Variants in KIAA0319 observed in about 807,000 individuals in gnomAD.
KIAA0319 encodes dyslexia-associated protein KIAA0319.
KIAA0319 carries 83 observed loss-of-function variants against 108.4 expected under a neutral mutation model. The ratio of observed to expected loss-of-function variants is 0.77; its 90% CI spans 0.64 to 0.92. The LOEUF (loss-of-function observed/expected upper bound fraction) is 0.92, where lower values mean the gene tolerates loss of function less well. KIAA0319 is among the 40% of genes least tolerant of loss of function. The pLI is 0.00. For missense variants in KIAA0319, 1,195 were observed against 1,322.4 expected (o/e 0.90, Z 1.49); for synonymous variants, 484 against 510.4 (o/e 0.95, Z 0.70).
chr6:24,546,453 A>G lies in KIAA0319; in HGVS notation c.*712T>C, dbSNP rs1278672608. The G allele has an allele frequency of 6.6e-6, 1 of 152,014 alleles. No individual in the cohort carries two copies. The highest frequency in any genetic ancestry group is 1.5e-5 in the Non-Finnish European group (1 of 68,006). The allele number at this position is 152,014 out of a possible 1,614,324, so 9.4% of individuals were successfully genotyped here. ...GTTTTTCTTAGAGAAAGAAAAGATA[A>G]TGTTACAATGCTACCTTCAACCTGC... On this transcript the variant is annotated 3_prime_UTR_variant, in exon 21 of 21. Transcript: ENST00000378214.
At chr6:24,610,662 T>C (rs962037637) in intron 1 of KIAA0319, among the ~76,000 whole-genome samples, 6 of 152,190 alleles carry the variant, frequency 3.9e-5, no homozygotes, top group Middle Eastern at 3.2e-3. Flanking sequence ...GGCTCATTCC[T>C]GTAATCCCAG....
chr6:24,597,939 A>AAAAAAAAAAAAAAC (rs1769959204), intron 2 of KIAA0319: 1 of 152,446 alleles, frequency 6.6e-6, no homozygotes, highest in African/African-American at 2.6e-5. Flanking sequence ...AAAAAAAAAA[A>AAAAAAAAAAAAAAC]AAAAAAAAAA....
chr6:24,551,900 A>C (rs1363041242), intron 19 of KIAA0319, among the ~76,000 whole-genome samples: 2 of 152,224 alleles, frequency 1.3e-5, no homozygotes, highest in Non-Finnish European at 2.9e-5. Context: ...TCACCCTGCT[A>C]TGTCCAATGC....
At chr6:24,591,703 TTATC>T (rs1768498628) in intron 3 of KIAA0319, among the ~76,000 whole-genome samples, 1 of 152,244 alleles carries the variant, frequency 6.6e-6, no homozygotes, top group African/African-American at 2.4e-5. Flanking sequence ...CTAACACTTA[TTATC>T]TATTTTTAGA....
rs577917236 is a variant in KIAA0319, at chr6:24,614,231, G to A, written c.-105-13023C>T. On this transcript the variant is annotated intron_variant, in intron 1 of 20. Coordinates refer to ENST00000378214, the MANE Select transcript of KIAA0319 (RefSeq NM_014809.4). Reference sequence around the variant, plus strand: ...ATATGCCAGGACAGACGCCTTGGGAGAGGAAGCAAATGCTCCCAACTGTGT... The same window carrying A: ...ATATGCCAGGACAGACGCCTTGGGAAAGGAAGCAAATGCTCCCAACTGTGT... 2.0e-5 allele frequency among the ~76,000 whole-genome samples: 3 copies of A among 152,282 alleles called. No individual in the cohort carries two copies. In the East Asian group the frequency reaches 5.8e-4, roughly 29 times the overall value.
At chr6:24,555,308 C>A (rs1441217570) in intron 18 of KIAA0319, among the ~76,000 whole-genome samples, 2 of 152,046 alleles carry the variant, frequency 1.3e-5, no homozygotes, top group Admixed American at 1.3e-4. Context: ...ACCAGCCTGG[C>A]CAACATGGCA....
At chr6:24,597,011 C>T (rs954361353) in intron 2 of KIAA0319, among the ~76,000 whole-genome samples, 1 of 152,026 alleles carries the variant, frequency 6.6e-6, no homozygotes, top group Non-Finnish European at 1.5e-5. Context: ...ATTCTTCTAC[C>T]TTTCCACTCA....
intron 1 of KIAA0319, among the ~76,000 whole-genome samples, chr6:24,626,682 T>G (rs936919059): frequency 1.3e-5 from 2 of 152,222 alleles, no homozygotes; most frequent in African/African-American, 4.8e-5. Context: ...GAAAATGTAT[T>G]GAACACCTAT....
intron 12 of KIAA0319, among the ~76,000 whole-genome samples, chr6:24,569,543 T>C (rs1764374288): frequency 6.6e-6 from 1 of 152,118 alleles, no homozygotes; most frequent in African/African-American, 2.4e-5. Context: ...GCTCAGAAAA[T>C]GTTAGATGAT....
At position 24,646,157 on chromosome 6, in the gene KIAA0319, T is replaced by C. The variant is rs945214456; in HGVS notation, c.-527A>G. 2.4e-4 allele frequency: 37 copies of C among 152,354 alleles called. No individual in the cohort carries two copies. Among genetic ancestry groups the C allele is most frequent in the African/African-American group, 7.9e-4 (33 of 41,530 alleles). The allele number at this position is 152,354 out of a possible 1,614,324, so 9.4% of individuals were successfully genotyped here. A position where few individuals can be genotyped will look rare whatever the true frequency, so the allele number is the denominator to read the frequency against. On this transcript the variant is annotated 5_prime_UTR_variant, in exon 1 of 21. Transcript: ENST00000378214. ...TCCCCGCCCACCGCCCGCGGCAGCTTCTGCAGGCTCGGGGAAAGCGCGCGC... is the reference window on the plus strand; with the variant it reads ...TCCCCGCCCACCGCCCGCGGCAGCTCCTGCAGGCTCGGGGAAAGCGCGCGC...
intron 2 of KIAA0319, chr6:24,598,649 G>A: frequency 3.3e-6 from 1 of 298,604 alleles, no homozygotes; most frequent in Non-Finnish European, 6.6e-6. Context: ...GCCGAGGTGG[G>A]TGGATCACCT....
chr6:24,624,066 G>T (rs1234987290), intron 1 of KIAA0319, among the ~76,000 whole-genome samples: 2 of 113,946 alleles, frequency 1.8e-5, no homozygotes, highest in African/African-American at 6.9e-5. Flanking sequence ...ACTCTATCAC[G>T]CAGGCTGGAG....
chr6:24,566,815 G>C (rs1487301328), intron 13 of KIAA0319, 67 bp from the exon 14 acceptor site: 2 of 1,391,420 alleles, frequency 1.4e-6, no homozygotes, highest in African/African-American at 2.9e-5. Context: ...GAATAAGTGT[G>C]TCATAAAACA....
At chr6:24,565,145 C>T (rs529423275) in intron 14 of KIAA0319, among the ~76,000 whole-genome samples, 2 of 151,840 alleles carry the variant, frequency 1.3e-5, no homozygotes, top group South Asian at 4.2e-4. Flanking sequence ...CCCAGCTACT[C>T]GGGAGGCTGA....
At chr6:24,549,469 A>G (rs1303636033) in intron 20 of KIAA0319, among the ~76,000 whole-genome samples, 4 of 152,104 alleles carry the variant, frequency 2.6e-5, no homozygotes, top group African/African-American at 9.7e-5. Flanking sequence ...ACTGTGGGTA[A>G]TAAATATCTG....
downstream of KIAA0319, among the ~76,000 whole-genome samples, chr6:24,543,946 G>A (rs1760317918): frequency 6.6e-6 from 1 of 152,236 alleles, no homozygotes; most frequent in African/African-American, 2.4e-5. Context: ...CCACAGGGAA[G>A]GAGCAGGGGA....
chr6:24,585,794 A>G (rs1455353587), intron 4 of KIAA0319, among the ~76,000 whole-genome samples: 3 of 152,188 alleles, frequency 2.0e-5, no homozygotes, highest in Admixed American at 1.3e-4. Context: ...CCTAAAATGT[A>G]TAAAACCAAG....
chr6:24,623,898 C>T (rs1429493306), intron 1 of KIAA0319, among the ~76,000 whole-genome samples: 1 of 151,586 alleles, frequency 6.6e-6, no homozygotes, highest in African/African-American at 2.4e-5. Flanking sequence ...ACATGTACCC[C>T]ATAAATGTGC....
intron 12 of KIAA0319, among the ~76,000 whole-genome samples, chr6:24,569,617 A>G (rs771489281): frequency 2.8e-4 from 43 of 152,196 alleles, no homozygotes; most frequent in Admixed American, 6.5e-4. Flanking sequence ...TTGAGTGTAG[A>G]CAGGATCACA....
Sources: allele counts gnomAD v4.1 joint callset (sites outside exome capture counted in the v4.1 genomes callset), GRCh38; gene constraint gnomAD v4.1.1; transcripts MANE v1.5; gene names NCBI Gene and HGNC (gene_info 2026-07-23, HGNC 2026-07-21).